The following PLEKHG4B variants were observed in gnomAD, a reference collection of about 807,000 sequenced individuals.
PLEKHG4B encodes pleckstrin homology and RhoGEF domain containing G4B, also known as pleckstrin homology domain-containing family G member 4B.
A neutral mutation model predicts 121.3 loss-of-function variants in PLEKHG4B; 111 were observed. The observed-to-expected ratio is 0.92, with a 90% CI of 0.78 to 1.07. The LOEUF (loss-of-function observed/expected upper bound fraction) is 1.07. PLEKHG4B is among the 50% of genes least tolerant of loss of function. The pLI is 0.00. For synonymous variants in PLEKHG4B, 738 were observed against 725.0 expected (o/e 1.02, Z -0.29); for missense variants, 1,831 against 1,757.8 (o/e 1.04, Z -0.74).
At chr5:106,326 C>T (rs1733972776) in intron 1 of PLEKHG4B, among the ~76,000 whole-genome samples, 1 of 152,172 alleles carries the variant, frequency 6.6e-6, no homozygotes, top group South Asian at 2.1e-4. Flanking sequence ...GAGTCTGTCT[C>T]CGGGGGCCTG....
intron 2 of PLEKHG4B, among the ~76,000 whole-genome samples, chr5:124,883 C>T (rs1347844917): frequency 6.6e-6 from 1 of 152,162 alleles, no homozygotes; most frequent in Non-Finnish European, 1.5e-5. Flanking sequence ...CCTGTAATCC[C>T]AGCAGTTTGG....
chr5:161,736 A>G (rs757671869), intron 11 of PLEKHG4B, 47 bp from the exon 12 acceptor site: 1 of 1,612,418 alleles, frequency 6.2e-7, no homozygotes, highest in East Asian at 2.2e-5. Flanking sequence ...GGAGACATGA[A>G]CGTGGAAGCA....
rs370536914 is a variant in PLEKHG4B, at chr5:175,060, T to G, written c.4402+962T>G. Among the ~76,000 whole-genome samples, 207 of 152,226 alleles carry G rather than the reference T, an allele frequency of 1.4e-3. 2 individuals are homozygous for G. The highest frequency in any genetic ancestry group is 4.7e-3 in the African/African-American group (195 of 41,526). On this transcript the variant is annotated intron_variant, in intron 18 of 19. Transcript: ENST00000637938. ...TTGGCCCCGACAGCACTCACACACG[T>G]GTCTCTCGTGTCCACAAGCGAACAT... is the stretch of plus-strand genomic sequence containing the variant.
intron 11 of PLEKHG4B, among the ~76,000 whole-genome samples, chr5:160,945 C>T (rs1024444660): frequency 8.5e-5 from 13 of 152,142 alleles, no homozygotes; most frequent in African/African-American, 2.4e-4. Flanking sequence ...TTACAGACAG[C>T]GTATGTGCTG....
At chr5:146,243 C>T (rs79339866) in intron 6 of PLEKHG4B, among the ~76,000 whole-genome samples, 200 of 120,668 alleles carry the variant, frequency 1.7e-3, no homozygotes, top group African/African-American at 5.8e-3. Context: ...TCCACCCCCA[C>T]AGTCGTTCCA....
intron 1 of PLEKHG4B, among the ~76,000 whole-genome samples, chr5:104,542 TTAAAA>T (rs1219121959): frequency 6.6e-6 from 1 of 152,264 alleles, no homozygotes; most frequent in East Asian, 1.9e-4. Context: ...TAAAGTGGTA[TTAAAA>T]TAATTTTCTT....
At position 186,106 on chromosome 5, in the gene PLEKHG4B, C is replaced by T. The variant is rs1733614398; in HGVS notation, c.*3783C>T. On this transcript the variant is annotated 3_prime_UTR_variant, in exon 20 of 20. Coordinates refer to ENST00000637938, the MANE Select transcript of PLEKHG4B (RefSeq NM_052909.5). ...TTTAACCCATGGGGCTCTTTGGCCT[C>T]ATTTTCTGTTTTTTGAGTTTCTCGT... The T allele has an allele frequency of 6.6e-6, 1 of 152,298 alleles. No individual in the cohort carries two copies. Among genetic ancestry groups the T allele is most frequent in the Non-Finnish European group, 1.5e-5 (1 of 68,024 alleles). 9.4% of individuals were successfully genotyped at this position (152,298 alleles called of 1,614,324 possible).
rs1560944510 is a variant in PLEKHG4B at position 164,477 on chromosome 5, C to CGG, written c.3476+929_3476+930insGG. 2.9e-4 allele frequency among the ~76,000 whole-genome samples: 37 copies of CGG among 126,548 alleles called. 2 individuals are homozygous for CGG. Among genetic ancestry groups the CGG allele is most frequent in the Middle Eastern group, 8.8e-3 (2 of 226 alleles). The allele number at this position is 126,548 out of a possible 152,430, so 83.0% of individuals were successfully genotyped here. A position where few individuals can be genotyped will look rare whatever the true frequency, so the allele number is the denominator to read the frequency against. ...GGCTCACAGTAATGTTGTGACGGAG[C>CGG]AGAGCTCACACTAATGCTCTGACAG... On this transcript the variant is annotated intron_variant, in intron 13 of 19. Transcript: ENST00000637938.
rs189666169 is a variant in PLEKHG4B, at chr5:134,151, A to G, written c.244-5332A>G. On this transcript the variant is annotated intron_variant, in intron 2 of 19. Transcript: ENST00000637938. ...ATGGAATACTACTCAGCCATAAAAA[A>G]GAACAAAATAATGGCATTTGCAGCA... Among the ~76,000 whole-genome samples, 346 of 143,528 alleles carry G rather than the reference A, an allele frequency of 2.4e-3. 3 individuals are homozygous for G. Among genetic ancestry groups the G allele is most frequent in the African/African-American group, 8.3e-3 (328 of 39,330 alleles). 94.2% of individuals were successfully genotyped at this position (143,528 alleles called of 152,430 possible).
At chr5:167,343 T>A (rs760473761) in intron 13 of PLEKHG4B, among the ~76,000 whole-genome samples, 1 of 152,224 alleles carries the variant, frequency 6.6e-6, no homozygotes, top group Non-Finnish European at 1.5e-5. Flanking sequence ...GTGAATGGGA[T>A]GTGCGTTCAG....
At chr5:94,571 T>C (rs1733575105) in intron 1 of PLEKHG4B, among the ~76,000 whole-genome samples, 1 of 142,720 alleles carries the variant, frequency 7.0e-6, no homozygotes, top group Admixed American at 6.9e-5. Context: ...TGAAGAGGGG[T>C]AGGCTGGGAT....
chr5:126,321 T>A lies in PLEKHG4B; in HGVS notation c.243+12873T>A, dbSNP rs564730134. 2.6e-5 allele frequency among the ~76,000 whole-genome samples: 4 copies of A among 152,348 alleles called. No individual in the cohort carries two copies. In the South Asian group the frequency reaches 8.3e-4, roughly 32 times the overall value. On this transcript the variant is annotated intron_variant, in intron 2 of 19. Transcript: ENST00000637938. ...TCCACCTTTGAACCCCTTTAGTGAA[T>A]TTTTCATTTCAGTTATTATACTTTT...
chr5:148,789 A>G (rs1200009311), intron 6 of PLEKHG4B, among the ~76,000 whole-genome samples: 1 of 152,216 alleles, frequency 6.6e-6, no homozygotes, highest in East Asian at 1.9e-4. Context: ...AAATAAAAAC[A>G]AAGCTGGAGG....
At chr5:125,307 T>G (rs1313544729) in intron 2 of PLEKHG4B, among the ~76,000 whole-genome samples, 1 of 152,216 alleles carries the variant, frequency 6.6e-6, no homozygotes, top group African/African-American at 2.4e-5. Flanking sequence ...TGATTTTTTG[T>G]AGTAAAAGTC....
rs1016638448 is a variant in PLEKHG4B, at chr5:159,683, C to T, written c.2488-2100C>T. Among the ~76,000 whole-genome samples the T allele has an allele frequency of 2.6e-5, 4 of 152,180 alleles. No individual in the cohort carries two copies. The highest frequency in any genetic ancestry group is 4.8e-5 in the African/African-American group (2 of 41,442). ...CCCTGGCTAGGAAGCCTGTGGCCCA[C>T]GCATCTTTAGCATTTTCTCCCTGGC... is the stretch of plus-strand genomic sequence containing the variant. On this transcript the variant is annotated intron_variant, in intron 11 of 19. Transcript: ENST00000637938. The surrounding 1 kb of genome is among the most constrained non-coding windows in gnomAD (Gnocchi z 5.5).
Position 140,338 on chromosome 5 carries a change from GGCA to G in PLEKHG4B, c.1102_1104del (p.Ser369del). Reference sequence around the variant, plus strand: ...AGCCTTGCGGAACCCCATGCCCCTGGGCAGCTCTGAGGAGGCCCTCGGGGACCT... The same window carrying G: ...AGCCTTGCGGAACCCCATGCCCCTGGGCTCTGAGGAGGCCCTCGGGGACCT... On this transcript the variant is annotated inframe_deletion, in exon 3 of 20. Transcript: ENST00000637938. The G allele has an allele frequency of 2.6e-6, 4 of 1,544,980 alleles. No individual in the cohort carries two copies. The highest frequency in any genetic ancestry group is 3.5e-6 in the Non-Finnish European group (4 of 1,145,970).
Position 113,067 on chromosome 5 carries a change from C to A in PLEKHG4B, c.46-184C>A, listed in dbSNP as rs932062393. Among the ~76,000 whole-genome samples, 1 of 152,172 alleles carries A rather than the reference C, an allele frequency of 6.6e-6. No individual in the cohort carries two copies. The highest frequency in any genetic ancestry group is 6.5e-5 in the Admixed American group (1 of 15,284). On this transcript the variant is annotated intron_variant, in intron 1 of 19. Transcript: ENST00000637938. The surrounding 1 kb of genome is among the most constrained non-coding windows in gnomAD (Gnocchi z 5.2). ...TGCTGTGTGACAGCACAAGGAGAAC[C>A]ACCAGGAGCTCGCCCTGCACCATGG...
chr5:168,020 C>T (rs915644408), intron 13 of PLEKHG4B, among the ~76,000 whole-genome samples: 1 of 152,192 alleles, frequency 6.6e-6, no homozygotes, highest in African/African-American at 2.4e-5. Context: ...CTGGCCAGCC[C>T]ACCTCTCCAC....
chr5:176,932 C>T (rs1438877588), intron 18 of PLEKHG4B, among the ~76,000 whole-genome samples: 5 of 152,216 alleles, frequency 3.3e-5, no homozygotes, highest in African/African-American at 1.2e-4. Context: ...AGCTGGGTCA[C>T]CTGGAAAGTG....
Sources: allele counts gnomAD v4.1 joint callset (sites outside exome capture counted in the v4.1 genomes callset), GRCh38; gene constraint gnomAD v4.1.1; non-coding constraint Gnocchi (gnomAD v3.1); transcripts MANE v1.5; gene names NCBI Gene and HGNC (gene_info 2026-07-23, HGNC 2026-07-21).